DEGS2: variants seen among roughly 807,000 people sequenced by gnomAD.
DEGS2 encodes delta 4-desaturase, sphingolipid 2.
In DEGS2, 19 loss-of-function variants were observed where a neutral mutation model predicts 23.8. The ratio of observed to expected loss-of-function variants is 0.80; its 90% CI spans 0.56 to 1.17. The LOEUF (loss-of-function observed/expected upper bound fraction) is 1.17. Ranked by LOEUF, DEGS2 falls within the 50% of genes most tolerant of loss-of-function variation. The probability of loss-of-function intolerance (pLI) is 0.00; values close to 1 mark genes in which losing one functional copy is unlikely to be tolerated. For missense variants in DEGS2, 390 were observed against 459.5 expected (o/e 0.85, Z 1.38); for synonymous variants, 218 against 213.7 (o/e 1.02, Z -0.18).
upstream of DEGS2, chr14:100,160,233 A>G (rs1217795585): frequency 6.6e-6 from 1 of 152,164 alleles, no homozygotes; most frequent in Non-Finnish European, 1.5e-5. Context: ...AGTCAGACCC[A>G]CTCCTGCCTT....
At chr14:100,166,718 G>C in the DEGS2 span, among the ~76,000 whole-genome samples, 9 of 152,190 alleles carry the variant, frequency 5.9e-5, no homozygotes, top group East Asian at 1.5e-3. Flanking sequence ...GGCCATGAGG[G>C]GTCAGCAGGA....
chr14:100,164,577 C>T (rs1184997384), upstream of DEGS2, among the ~76,000 whole-genome samples: 3 of 152,254 alleles, frequency 2.0e-5, no homozygotes, highest in South Asian at 2.1e-4. Context: ...GCAGGGGTTG[C>T]AGTGAGCCAA....
Position 100,149,156 on chromosome 14 carries a change from G to C in DEGS2, c.637C>G (p.Leu213Val). ...CCCAGGCCCAGGAAGGAGCTGGCCAGCAGGTAGACCACGGGCTTGAGCCCC... is the reference window on the plus strand; with the variant it reads ...CCCAGGCCCAGGAAGGAGCTGGCCACCAGGTAGACCACGGGCTTGAGCCCC... ...LWGLKPVVYL[L>V]ASSFLGLGLH... Residue 213 changes from leucine (L) to valine (V), a missense_variant, in exon 2 of 3, where the codon CTG (leucine) becomes GTG (valine). Transcript: ENST00000305631. 6.2e-7 allele frequency: 1 copy of C among 1,612,924 alleles called. No individual in the cohort carries two copies. The highest frequency in any genetic ancestry group is 1.1e-5 in the South Asian group (1 of 91,088).
intron 1 of DEGS2, among the ~76,000 whole-genome samples, chr14:100,157,580 A>G (rs1889678092): frequency 6.6e-6 from 1 of 152,230 alleles, no homozygotes; most frequent in African/African-American, 2.4e-5. Flanking sequence ...TACGGGAGGC[A>G]GCTACCACTG....
intron 1 of DEGS2, 93 bp downstream of exon 1, chr14:100,159,413 C>T: frequency 9.6e-7 from 1 of 1,039,024 alleles, no homozygotes; most frequent in Non-Finnish European, 1.3e-6. Context: ...TGGGCCAGAG[C>T]TGGAGCGGCC....
At chr14:100,153,490 G>A (rs1889609893) in intron 1 of DEGS2, among the ~76,000 whole-genome samples, 1 of 152,186 alleles carries the variant, frequency 6.6e-6, no homozygotes, top group Non-Finnish European at 1.5e-5. Flanking sequence ...GAGGGGGAAA[G>A]CCCAAGGCAG....
rs768266066 is a variant in DEGS2, at chr14:100,159,574, G to A, written c.14C>T (p.Ala5Val). 3 of 1,497,558 alleles carry A rather than the reference G, an allele frequency of 2.0e-6. No individual in the cohort carries two copies. Among genetic ancestry groups the A allele is most frequent in the Admixed American group, 4.4e-5 (2 of 45,598 alleles). 92.8% of individuals were successfully genotyped at this position (1,497,558 alleles called of 1,614,324 possible). A position where few individuals can be genotyped will look rare whatever the true frequency, so the allele number is the denominator to read the frequency against. ...GACCCACTCGAAGTCGCTGCGGCTCGCGCTGTTGCCCATGGTGGGGCGGGA... is the reference window on the plus strand; with the variant it reads ...GACCCACTCGAAGTCGCTGCGGCTCACGCTGTTGCCCATGGTGGGGCGGGA... MGNS[A>V]SRSDFEWVYT... Residue 5 changes from alanine to valine, a missense_variant, in exon 1 of 3, where the codon GCG (alanine) becomes GTG (valine). Coordinates refer to ENST00000305631, the MANE Select transcript of DEGS2 (RefSeq NM_206918.3).
chr14:100,150,643 C>T (rs1324208975), intron 1 of DEGS2, among the ~76,000 whole-genome samples: 1 of 151,192 alleles, frequency 6.6e-6, no homozygotes, highest in East Asian at 1.9e-4. Context: ...CCTCACTTTC[C>T]CCATCTGCTG....
At position 100,145,143 on chromosome 14, in the gene DEGS2, ACTGT is replaced by A. The variant is rs755355356; in HGVS notation, c.*1614_*1617del. 3.7e-4 allele frequency: 57 copies of A among 152,512 alleles called. No individual in the cohort carries two copies. The highest frequency in any genetic ancestry group is 6.7e-3 in the Middle Eastern group (2 of 298). The allele number at this position is 152,512 out of a possible 1,614,324, so 9.4% of individuals were successfully genotyped here. ...GAGTCTCCCCAGGAGCGCTCAAAGG[ACTGT>A]CTGTCTTCGGAGCCACCCTCTGACC... On this transcript the variant is annotated 3_prime_UTR_variant, in exon 3 of 3. Transcript: ENST00000305631.
At chr14:100,160,488 A>G (rs1384570066), upstream of DEGS2, among the ~76,000 whole-genome samples, 2 of 152,224 alleles carry the variant, frequency 1.3e-5, no homozygotes, top group Admixed American at 1.3e-4. Context: ...TCAAATGGAA[A>G]GTCTAGTTTT....
At chr14:100,150,694 G>C (rs1169705829) in intron 1 of DEGS2, among the ~76,000 whole-genome samples, 2 of 152,092 alleles carry the variant, frequency 1.3e-5, no homozygotes, top group Non-Finnish European at 2.9e-5. Flanking sequence ...GCGCCCTCAG[G>C]GTCCCTCCCT....
In DEGS2 at chr14:100,146,811, G is replaced by C; in HGVS notation, c.922C>G (p.Pro308Ala). ...WDFVFEDSLGPYARVKRVYRL... is the reference protein window; with the variant it reads ...WDFVFEDSLGAYARVKRVYRL... Reference sequence around the variant, plus strand: ...TACACCCGCTTCACCCTGGCATAGGGCCCCAGGGAGTCCTCAAACACAAAA... The same window carrying C: ...TACACCCGCTTCACCCTGGCATAGGCCCCCAGGGAGTCCTCAAACACAAAA... Residue 308 changes from proline to alanine, a missense_variant, in exon 3 of 3, where the codon CCC (proline) becomes GCC (alanine). Pro to Ala is a conservative substitution (Grantham distance 27). Transcript: ENST00000305631. The C allele has an allele frequency of 6.2e-7, 1 of 1,613,800 alleles. No homozygotes were observed. The highest frequency in any genetic ancestry group is 8.5e-7 in the Non-Finnish European group (1 of 1,179,904).
intron 1 of DEGS2, among the ~76,000 whole-genome samples, chr14:100,155,314 C>T (rs1889640605): frequency 6.6e-6 from 1 of 152,200 alleles, no homozygotes; most frequent in Non-Finnish European, 1.5e-5. Flanking sequence ...GCAGCAAAGC[C>T]CTCCTAATCC....
chr14:100,159,545 T>C lies in DEGS2; in HGVS notation c.43A>G (p.Thr15Ala). The C allele has an allele frequency of 6.6e-7, 1 of 1,509,632 alleles. No individual in the cohort carries two copies. The highest frequency in any genetic ancestry group is 8.8e-7 in the Non-Finnish European group (1 of 1,130,946). The allele number at this position is 1,509,632 out of a possible 1,614,324, so 93.5% of individuals were successfully genotyped here. ...ASRSDFEWVY[T>A]DQPHTQRRKE... Reference sequence around the variant, plus strand: ...CGCCGCTGCGTGTGCGGCTGGTCGGTGTAGACCCACTCGAAGTCGCTGCGG... The same window carrying C: ...CGCCGCTGCGTGTGCGGCTGGTCGGCGTAGACCCACTCGAAGTCGCTGCGG... Residue 15 changes from threonine to alanine, a missense_variant, in exon 1 of 3, where the codon ACC (threonine) becomes GCC (alanine). Transcript: ENST00000305631.
Position 100,149,243 on chromosome 14 carries a change from G to A in DEGS2, c.550C>T (p.Arg184Cys), listed in dbSNP as rs768621784. 4.7e-5 allele frequency: 75 copies of A among 1,612,716 alleles called. No individual in the cohort carries two copies. Among genetic ancestry groups the A allele is most frequent in the Admixed American group, 1.0e-4 (6 of 60,000 alleles). ...ACCAGCGTGTTGAGCACCTCCATGC[G>A]GGTCACGGCCTTGGGGTGGACGCAG... ...PLCVHPKAVT[R>C]MEVLNTLVQL... is the part of the protein sequence containing the mutation. The change falls in exon 2 of 3, where the codon CGC becomes TGC. Residue 184 changes from arginine to cysteine, a missense_variant. Coordinates refer to ENST00000305631, the MANE Select transcript of DEGS2 (RefSeq NM_206918.3).
chr14:100,147,307 G>C (rs1029050858), intron 2 of DEGS2, among the ~76,000 whole-genome samples: 3 of 152,246 alleles, frequency 2.0e-5, no homozygotes, highest in South Asian at 4.1e-4. Flanking sequence ...CACTCCACTC[G>C]GCCCCGCCTT....
intron 1 of DEGS2, among the ~76,000 whole-genome samples, chr14:100,152,881 A>AATGGATGGATGG (rs138869050): frequency 6.7e-6 from 1 of 149,118 alleles, no homozygotes. Flanking sequence ...CCCCTCTTCG[A>AATGGATGGATGG]ATGGATGGAT....
At chr14:100,159,150 G>A (rs1889707139) in intron 1 of DEGS2, among the ~76,000 whole-genome samples, 1 of 152,130 alleles carries the variant, frequency 6.6e-6, no homozygotes, top group Non-Finnish European at 1.5e-5. Flanking sequence ...CAGGGAGCGC[G>A]TGCGCCTCGT....
chr14:100,158,289 C>T (rs916598429), intron 1 of DEGS2, among the ~76,000 whole-genome samples: 48 of 152,162 alleles, frequency 3.2e-4, no homozygotes, highest in Admixed American at 3.1e-3. Flanking sequence ...TACACACCTG[C>T]AGTCTCAACT....
Sources: gnomAD v4.1 joint callset for allele counts (sites outside exome capture counted in the v4.1 genomes callset) on GRCh38, gnomAD v4.1.1 for gene constraint, MANE v1.5 for transcripts, NCBI Gene and HGNC (gene_info 2026-07-23, HGNC 2026-07-21) for gene names.